C8orf34: variants seen among roughly 807,000 people sequenced by gnomAD.
C8orf34 encodes uncharacterized protein C8orf34.
C8orf34 carries 65 observed loss-of-function variants against 68.3 expected under a neutral mutation model. That is an observed-to-expected ratio of 0.95 (90% CI 0.78 to 1.17). The LOEUF (loss-of-function observed/expected upper bound fraction) is 1.17. C8orf34 is among the 50% of genes most tolerant of loss of function. The pLI is 0.00. For missense variants in C8orf34, 664 were observed against 655.4 expected, an observed-to-expected ratio of 1.01 and a Z score of -0.14; for synonymous variants, 244 against 241.2, an observed-to-expected ratio of 1.01 and a Z score of -0.11.
chr8:68,487,871 A>G, intron 4 of C8orf34, 152 bp from the exon 5 acceptor site: 1 of 536,008 alleles, frequency 1.9e-6, no homozygotes, highest in South Asian at 2.5e-5. Flanking sequence ...CATTGGTAAA[A>G]GGATGTGCCA....
rs915832361 is a variant in C8orf34 at position 68,680,381 on chromosome 8, A to G, written c.1242-28613A>G. Among the ~76,000 whole-genome samples the G allele has an allele frequency of 6.6e-5, 10 of 152,190 alleles. No individual in the cohort carries two copies. In the South Asian group the frequency reaches 1.2e-3, roughly 19 times the overall value. On this transcript the variant is annotated intron_variant, in intron 8 of 13. Transcript: ENST00000518698. Reference sequence around the variant, plus strand: ...TCAATGTAGGTTCTTTCTATTTTCTATAAGTGTCAGCCAGCTGAGAAATAA... The same window carrying G: ...TCAATGTAGGTTCTTTCTATTTTCTGTAAGTGTCAGCCAGCTGAGAAATAA...
intron 8 of C8orf34, among the ~76,000 whole-genome samples, chr8:68,667,422 A>G (rs1019171578): frequency 3.9e-5 from 6 of 152,172 alleles, no homozygotes; most frequent in Admixed American, 3.9e-4. Context: ...TTTAATTATT[A>G]TCTCAGTGGC....
chr8:68,353,285 G>T (rs532176663), intron 1 of C8orf34, among the ~76,000 whole-genome samples: 5 of 152,070 alleles, frequency 3.3e-5, no homozygotes, highest in African/African-American at 1.2e-4. Flanking sequence ...CCCCACAAGG[G>T]ATGCCCACAT....
intron 4 of C8orf34, 140 bp downstream of exon 4, chr8:68,468,960 T>C (rs1812265316): frequency 3.3e-6 from 3 of 902,016 alleles, no homozygotes; most frequent in Non-Finnish European, 4.9e-6. Context: ...GGCATGAGAT[T>C]GGAAAGGAAC....
In C8orf34 at chr8:68,500,684, G is replaced by A. The variant is rs7835158; in HGVS notation, c.765+12633G>A. Among the ~76,000 whole-genome samples, 563 of 151,876 alleles carry A rather than the reference G, an allele frequency of 3.7e-3. 4 individuals are homozygous for A. Among genetic ancestry groups the A allele is most frequent in the African/African-American group, 0.013 (545 of 41,464 alleles). ...TCAACACACACACACAGATGAGAGAGAAAAAAATGGTAGGGCAAAGTGTCA... is the reference window on the plus strand; with the variant it reads ...TCAACACACACACACAGATGAGAGAAAAAAAAATGGTAGGGCAAAGTGTCA... On this transcript the variant is annotated intron_variant, in intron 5 of 13. Coordinates refer to ENST00000518698, the MANE Select transcript of C8orf34 (RefSeq NM_052958.4).
chr8:68,702,220 A>C (rs1013308087), intron 8 of C8orf34, among the ~76,000 whole-genome samples: 1 of 152,048 alleles, frequency 6.6e-6, no homozygotes, highest in African/African-American at 2.4e-5. Flanking sequence ...GGCACTCTCC[A>C]TAGATACTCC....
At chr8:68,607,289 T>C (rs892704) in intron 7 of C8orf34, among the ~76,000 whole-genome samples, 44,970 of 152,108 alleles carry the variant, frequency 0.3, 8,501 homozygotes, top group African/African-American at 0.55. Flanking sequence ...GCTGCCATAA[T>C]AACGTACTGT....
chr8:68,508,782 G>A (rs1563494708), intron 5 of C8orf34, among the ~76,000 whole-genome samples: 3 of 152,156 alleles, frequency 2.0e-5, no homozygotes, highest in Admixed American at 6.5e-5. Context: ...GTCAAAAAAT[G>A]CAAGGCATCT....
In C8orf34 at chr8:68,534,774, G is replaced by A. The variant is rs963311166; in HGVS notation, c.1105+1625G>A. 6.1e-6 allele frequency: 6 copies of A among 985,248 alleles called. No individual in the cohort carries two copies. The African/African-American group carries it at 8.7e-5, about 14-fold the overall frequency. The allele number at this position is 985,248 out of a possible 1,614,324, so 61.0% of individuals were successfully genotyped here. A position where few individuals can be genotyped will look rare whatever the true frequency, so the allele number is the denominator to read the frequency against. On this transcript the variant is annotated intron_variant, in intron 7 of 13. Coordinates refer to ENST00000518698, the MANE Select transcript of C8orf34 (RefSeq NM_052958.4). ...CAACTGAGATCCAGGGTTTCTTTCA[G>A]GAGATGCAGTTGTCCACTCCATGCT...
At chr8:68,537,707 A>G (rs1815537422) in intron 7 of C8orf34, among the ~76,000 whole-genome samples, 1 of 152,090 alleles carries the variant, frequency 6.6e-6, no homozygotes, top group Non-Finnish European at 1.5e-5. Context: ...TGCTTTTGCT[A>G]AATGTATCTC....
chr8:68,630,142 T>C (rs1043513761), intron 7 of C8orf34, among the ~76,000 whole-genome samples: 1 of 152,004 alleles, frequency 6.6e-6, no homozygotes, highest in Non-Finnish European at 1.5e-5. Flanking sequence ...AAAATAGCAC[T>C]GTCCAATAGA....
rs192606372 is a variant in C8orf34 at position 68,559,141 on chromosome 8, G to A, written c.1105+25992G>A. On this transcript the variant is annotated intron_variant, in intron 7 of 13. Transcript: ENST00000518698. ...TTAAAAAGTTATTCTGCTGGTTGTA[G>A]GAATGATGAAAGGGAGTTATCCCTA... Among the ~76,000 whole-genome samples the A allele has an allele frequency of 7.5e-4, 114 of 152,222 alleles. 3 individuals carry two copies. In the East Asian group the frequency reaches 0.019, roughly 26 times the overall value.
At chr8:68,709,560 A>G (rs1821273316) in intron 9 of C8orf34, among the ~76,000 whole-genome samples, 1 of 152,068 alleles carries the variant, frequency 6.6e-6, no homozygotes, top group South Asian at 2.1e-4. Flanking sequence ...CCTGTATTAA[A>G]TTGGTCTCCA....
intron 5 of C8orf34, among the ~76,000 whole-genome samples, chr8:68,515,278 C>CT: frequency 6.7e-6 from 1 of 149,102 alleles, no homozygotes; most frequent in South Asian, 2.1e-4. Flanking sequence ...TTTTTTTTGT[C>CT]TTTTTCCTGT....
At chr8:68,647,417 A>G (rs1819210936) in intron 8 of C8orf34, among the ~76,000 whole-genome samples, 1 of 152,214 alleles carries the variant, frequency 6.6e-6, no homozygotes, top group African/African-American at 2.4e-5. Context: ...TAGAATTACT[A>G]TATGTTCCAG....
At chr8:68,343,887 A>G (rs1806175158) in intron 1 of C8orf34, among the ~76,000 whole-genome samples, 2 of 151,756 alleles carry the variant, frequency 1.3e-5, no homozygotes, top group South Asian at 4.2e-4. Context: ...CCACCATGCC[A>G]GGCCAATTTT....
intron 1 of C8orf34, among the ~76,000 whole-genome samples, chr8:68,380,159 G>C (rs1402425972): frequency 6.6e-6 from 1 of 152,188 alleles, no homozygotes; most frequent in African/African-American, 2.4e-5. Context: ...ACCACACCCA[G>C]CCTTCTTGTT....
At chr8:68,429,205 T>G (rs140223461) in intron 1 of C8orf34, among the ~76,000 whole-genome samples, 2 of 152,054 alleles carry the variant, frequency 1.3e-5, no homozygotes, top group African/African-American at 4.8e-5. Flanking sequence ...CAGACCATTA[T>G]GAAAAAGAAA....
At chr8:68,641,117 A>G (rs1418682197) in intron 8 of C8orf34, among the ~76,000 whole-genome samples, 1 of 152,244 alleles carries the variant, frequency 6.6e-6, no homozygotes, top group Non-Finnish European at 1.5e-5. Flanking sequence ...ATTTGCAAAG[A>G]GGCTTTTAAG....
Sources: gnomAD v4.1 joint callset for allele counts (sites outside exome capture counted in the v4.1 genomes callset) on GRCh38, gnomAD v4.1.1 for gene constraint, MANE v1.5 for transcripts, NCBI Gene and HGNC (gene_info 2026-07-23, HGNC 2026-07-21) for gene names.